ZNF214: variants seen among roughly 807,000 people sequenced by gnomAD.
ZNF214 encodes the protein zinc finger protein 214, also known as BWSCR2-associated zinc finger protein 1.
ZNF214 carries 43 observed loss-of-function variants against 53.9 expected under a neutral mutation model. The observed-to-expected ratio is 0.80, with a 90% CI of 0.63 to 1.03. ZNF214 has a LOEUF of 1.03. ZNF214 is among the 50% of genes least tolerant of loss of function. The probability of loss-of-function intolerance (pLI) is 0.00; values close to 1 mark genes in which losing one functional copy is unlikely to be tolerated. For missense variants in ZNF214, 724 were observed against 719.1 expected (o/e 1.01, Z -0.08); for synonymous variants, 217 against 229.5 (o/e 0.95, Z 0.49).
At chr11:7,018,088 C>T (rs1452847960) in intron 1 of ZNF214, among the ~76,000 whole-genome samples, 2 of 152,046 alleles carry the variant, frequency 1.3e-5, no homozygotes, top group Non-Finnish European at 2.9e-5. Flanking sequence ...TGTATACATA[C>T]ATATCAGTAT....
At position 7,010,048 on chromosome 11, in the gene ZNF214, C is replaced by T. The variant is rs189931610; in HGVS notation, c.-20-7193G>A. On this transcript the variant is annotated intron_variant, in intron 1 of 2. Coordinates refer to ENST00000278314, the MANE Select transcript of ZNF214 (RefSeq NM_013249.4). ...AGAACTTAAAACAGAATTACCATAC[C>T]CAGAAATCCCATTACTGGGTATATG... Among the ~76,000 whole-genome samples, 624 of 151,964 alleles carry T rather than the reference C, an allele frequency of 4.1e-3. 7 individuals are homozygous for T. Among genetic ancestry groups the T allele is most frequent in the African/African-American group, 0.014 (579 of 41,478 alleles).
In ZNF214 at chr11:7,000,433, T is replaced by C. The variant is rs1010906797; in HGVS notation, c.1250A>G (p.Glu417Gly). ...CTGGGTAAAGCCTTTACCACAGTCT[T>C]CACATTTATAAGACTTCTCTCCTGT... ...VHTGEKSYKC[E>G]DCGKGFTQRS... is the part of the protein sequence containing the mutation. The change falls in exon 3 of 3, where the codon GAA becomes GGA. Residue 417 changes from glutamate to glycine, a missense_variant. Transcript: ENST00000278314. 6.2e-7 allele frequency: 1 copy of C among 1,613,286 alleles called. No homozygotes were observed. Among genetic ancestry groups the C allele is most frequent in the African/African-American group, 1.3e-5 (1 of 74,862 alleles).
intron 1 of ZNF214, among the ~76,000 whole-genome samples, chr11:7,019,167 G>C (rs773264041): frequency 2.0e-5 from 3 of 152,152 alleles, no homozygotes; most frequent in Non-Finnish European, 4.4e-5. Flanking sequence ...GAGGAAGGCA[G>C]ACTGAAAACC....
intron 1 of ZNF214, among the ~76,000 whole-genome samples, chr11:7,009,224 C>T (rs1057485491): frequency 8.3e-5 from 12 of 144,568 alleles, no homozygotes; most frequent in Admixed American, 5.7e-4. Context: ...GATATGAAAA[C>T]AGACACATAC....
Position 6,998,409 on chromosome 11 carries a change from C to T in ZNF214, c.*1453G>A, listed in dbSNP as rs1362437857. ...GTTCTTTCACCTTCCTTAGAGACACCTTTAATTCTCACACTGGACCTCCAT... is the reference window on the plus strand; with the variant it reads ...GTTCTTTCACCTTCCTTAGAGACACTTTTAATTCTCACACTGGACCTCCAT... On this transcript the variant is annotated 3_prime_UTR_variant, in exon 3 of 3. Transcript: ENST00000278314. Among the ~76,000 whole-genome samples the T allele has an allele frequency of 6.6e-6, 1 of 151,904 alleles. No homozygotes were observed. Among genetic ancestry groups the T allele is most frequent in the African/African-American group, 2.4e-5 (1 of 41,396 alleles).
At position 6,999,856 on chromosome 11, in the gene ZNF214, C is replaced by A. The variant is rs772120646; in HGVS notation, c.*6G>T. On this transcript the variant is annotated 3_prime_UTR_variant, in exon 3 of 3. Coordinates refer to ENST00000278314, the MANE Select transcript of ZNF214 (RefSeq NM_013249.4). The stretch of plus-strand genomic sequence containing the variant: ...TGATTAAAGCTGTTAACTAAATGAA[C>A]AATATTTATAAGTTTCCTCTTCTAT... 1.3e-5 allele frequency: 20 copies of A among 1,591,854 alleles called. No homozygotes were observed. The highest frequency in any genetic ancestry group is 1.5e-5 in the Non-Finnish European group (18 of 1,169,146).
rs1402681980 is a variant in ZNF214, at chr11:6,998,710, C to G, written c.*1152G>C. ...ATTCTCTGTTATGCCACTAAGGACA[C>G]CAACATTTCTGGAAATTTCCTCTGA... is the stretch of plus-strand genomic sequence containing the variant. On this transcript the variant is annotated 3_prime_UTR_variant, in exon 3 of 3. Coordinates refer to ENST00000278314, the MANE Select transcript of ZNF214 (RefSeq NM_013249.4). Among the ~76,000 whole-genome samples the G allele has an allele frequency of 1.3e-5, 2 of 151,912 alleles. No homozygotes were observed. The highest frequency in any genetic ancestry group is 1.9e-4 in the East Asian group (1 of 5,176).
intron 1 of ZNF214, among the ~76,000 whole-genome samples, chr11:7,019,365 A>G (rs536261767): frequency 2.1e-4 from 32 of 152,334 alleles, no homozygotes; most frequent in African/African-American, 6.5e-4. Context: ...AAACTTCAAA[A>G]GATACAACTC....
intron 1 of ZNF214, 74 bp from the exon 2 acceptor site, chr11:7,002,929 G>A (rs369559869): frequency 2.1e-5 from 29 of 1,389,768 alleles, no homozygotes; most frequent in East Asian, 2.6e-5. Context: ...GTGGCAAGCC[G>A]AATAGAAAAA....
chr11:7,017,963 C>T (rs1345268306), intron 1 of ZNF214, among the ~76,000 whole-genome samples: 1 of 152,150 alleles, frequency 6.6e-6, no homozygotes, highest in African/African-American at 2.4e-5. Context: ...TTCCTTCCCT[C>T]ATGGAGACTA....
chr11:7,010,694 T>C (rs1749542273), intron 1 of ZNF214, among the ~76,000 whole-genome samples: 2 of 140,922 alleles, frequency 1.4e-5, no homozygotes, highest in Admixed American at 1.4e-4. Flanking sequence ...AAGTCAAAGA[T>C]ATAAGAAACA....
chr11:7,018,794 G>A (rs373273161), intron 1 of ZNF214, among the ~76,000 whole-genome samples: 60 of 152,214 alleles, frequency 3.9e-4, no homozygotes, highest in African/African-American at 1.4e-3. Flanking sequence ...GAGCCACCGC[G>A]CCTGGCGATG....
rs1248848256 is a variant in ZNF214 at position 7,001,310 on chromosome 11, T to C, written c.373A>G (p.Ser125Gly). 1.9e-6 allele frequency: 3 copies of C among 1,613,090 alleles called. No individual in the cohort carries two copies. Among genetic ancestry groups the C allele is most frequent in the Non-Finnish European group, 2.5e-6 (3 of 1,179,434 alleles). ...TATTTTAAGTTCCTGAGACTTTTGC[T>C]TTCAAAAGTCAGTTCATAGTTCCCA... ...GYGNYELTFE[S>G]KSLRNLKYKN... The change falls in exon 3 of 3, where the codon AGC (serine) becomes GGC (glycine). Residue 125 changes from serine (S) to glycine (G), a missense_variant. By Grantham distance (56) the Ser-to-Gly change is moderately conservative. Coordinates refer to ENST00000278314, the MANE Select transcript of ZNF214 (RefSeq NM_013249.4).
chr11:7,005,772 A>G (rs1015278735), intron 1 of ZNF214, among the ~76,000 whole-genome samples: 2 of 152,116 alleles, frequency 1.3e-5, no homozygotes, highest in African/African-American at 4.8e-5. Flanking sequence ...TGATTTCATT[A>G]GGTTTTACAA....
intron 1 of ZNF214, among the ~76,000 whole-genome samples, chr11:7,004,910 G>C (rs372361661): frequency 6.6e-6 from 1 of 151,988 alleles, no homozygotes; most frequent in Admixed American, 6.6e-5. Context: ...GTGAGATAAT[G>C]TTTGCTGTTT....
chr11:7,008,991 A>G (rs1373371932), intron 1 of ZNF214, among the ~76,000 whole-genome samples: 2 of 152,138 alleles, frequency 1.3e-5, no homozygotes, highest in Admixed American at 6.5e-5. Context: ...AACATAATCA[A>G]AATGGCCATA....
Position 7,001,171 on chromosome 11 carries a change from A to G in ZNF214, c.512T>C (p.Ile171Thr), listed in dbSNP as rs753649974. The G allele has an allele frequency of 1.1e-5, 18 of 1,613,208 alleles. No individual in the cohort carries two copies. The highest frequency in any genetic ancestry group is 1.0e-5 in the Non-Finnish European group (12 of 1,179,540). ...GFQGGRYRLG[I>T]SRKNLSMEKE... Reference sequence around the variant, plus strand: ...TTCCATGGAGAGGTTTTTCCTGGATATGCCAAGACGGTATCTGCCCCCTTG... The same window carrying G: ...TTCCATGGAGAGGTTTTTCCTGGATGTGCCAAGACGGTATCTGCCCCCTTG... Residue 171 changes from isoleucine to threonine, a missense_variant, in exon 3 of 3, where the codon ATA (isoleucine) becomes ACA (threonine). Coordinates refer to ENST00000278314, the MANE Select transcript of ZNF214 (RefSeq NM_013249.4).
rs772120646 is a variant in ZNF214, at chr11:6,999,856, C to T, written c.*6G>A. ...TGATTAAAGCTGTTAACTAAATGAA[C>T]AATATTTATAAGTTTCCTCTTCTAT... On this transcript the variant is annotated 3_prime_UTR_variant, in exon 3 of 3. Transcript: ENST00000278314. 15 of 1,591,736 alleles carry T rather than the reference C, an allele frequency of 9.4e-6. No homozygotes were observed. The highest frequency in any genetic ancestry group is 6.8e-5 in the South Asian group (6 of 88,116).
At chr11:7,008,493 GAAGGCTCA>G (rs1851527003) in intron 1 of ZNF214, among the ~76,000 whole-genome samples, 1 of 148,556 alleles carries the variant, frequency 6.7e-6, no homozygotes, top group Non-Finnish European at 1.5e-5. Flanking sequence ...CTGAATAGGT[GAAGGCTCA>G]AAGTATTTAC....
Sources: allele counts gnomAD v4.1 joint callset (sites outside exome capture counted in the v4.1 genomes callset), GRCh38; gene constraint gnomAD v4.1.1; transcripts MANE v1.5; gene names NCBI Gene and HGNC (gene_info 2026-07-23, HGNC 2026-07-21).